TFG: variants seen among roughly 807,000 people sequenced by gnomAD.
TFG encodes the protein trafficking from ER to golgi regulator, also known as protein TFG.
Under a neutral mutation model 51.4 loss-of-function variants are expected in TFG, and 22 were observed. The observed-to-expected ratio is 0.43, with a 90% confidence interval of 0.31 to 0.61. The LOEUF (loss-of-function observed/expected upper bound fraction) is 0.61, where lower values mean the gene tolerates loss of function less well. Ranked by LOEUF, TFG falls within the 20% of genes least tolerant of loss-of-function variation. The pLI, the probability that TFG is intolerant of heterozygous loss-of-function variation, is 0.12. For synonymous variants in TFG, 187 were observed against 165.6 expected (o/e 1.13, Z -0.99); for missense variants, 419 against 487.7 (o/e 0.86, Z 1.33).
Position 100,748,639 on chromosome 3 carries a change from C to A in TFG, c.*108C>A. The A allele has an allele frequency of 8.2e-7, 1 of 1,222,202 alleles. No individual in the cohort carries two copies. Among genetic ancestry groups the A allele is most frequent in the Non-Finnish European group, 1.1e-6 (1 of 904,270 alleles). 75.7% of individuals were successfully genotyped at this position (1,222,202 alleles called of 1,614,324 possible). On this transcript the variant is annotated 3_prime_UTR_variant, in exon 8 of 8. Transcript: ENST00000240851. Reference sequence around the variant, plus strand: ...GAAGTTCAGAAATTTAAAAGCAGAGCATTTTTTATGATATCATTGTTGGTG... The same window carrying A: ...GAAGTTCAGAAATTTAAAAGCAGAGAATTTTTTATGATATCATTGTTGGTG...
intron 6 of TFG, among the ~76,000 whole-genome samples, chr3:100,738,670 C>T (rs1032000101): frequency 1.2e-4 from 19 of 152,030 alleles, no homozygotes; most frequent in African/African-American, 4.3e-4. Context: ...TATTGTATGC[C>T]TTGCTGCAAT....
intron 1 of TFG, chr3:100,709,923 C>T (rs1268447168): frequency 1.6e-5 from 1 of 60,814 alleles, no homozygotes; most frequent in Non-Finnish European, 3.2e-5. Flanking sequence ...CGGGGCCTTG[C>T]ATGGGGGGAG....
intron 6 of TFG, chr3:100,742,809 G>A (rs1014213643): frequency 6.6e-6 from 1 of 151,796 alleles, no homozygotes; most frequent in African/African-American, 2.4e-5. Flanking sequence ...GGAATCTTGT[G>A]TAGAGATATA....
chr3:100,734,066 C>CTT (rs371684906), intron 5 of TFG, among the ~76,000 whole-genome samples: 1 of 143,340 alleles, frequency 7.0e-6, no homozygotes, highest in East Asian at 2.1e-4. Flanking sequence ...TTTTTTTTTG[C>CTT]TTTTTTTTTT....
intron 6 of TFG, among the ~76,000 whole-genome samples, chr3:100,738,072 A>C (rs566931858): frequency 1.3e-5 from 1 of 75,948 alleles, no homozygotes; most frequent in Non-Finnish European, 3.1e-5. Flanking sequence ...CCTGTCTCAA[A>C]AACAAACAAA....
In TFG at chr3:100,720,050, C is replaced by T; in HGVS notation, c.260C>T (p.Thr87Ile). Reference sequence around the variant, plus strand: ...CAGTGCAGTAGGATACTGAAACTGACATTATTTGGTGAGTAGTAAACTTTC... The same window carrying T: ...CAGTGCAGTAGGATACTGAAACTGATATTATTTGGTGAGTAGTAAACTTTC... ...AIQCSRILKL[T>I]LFVNGQPRPL... is the part of the protein sequence containing the mutation. The change falls in exon 3 of 8, where the codon ACA becomes ATA. Residue 87 changes from threonine to isoleucine, a missense_variant. By Grantham distance (89) the Thr-to-Ile change is moderately conservative. Around this residue, in one of 3 missense-constraint regions of TFG, gnomAD observed 391 missense variants for 434.4 expected, o/e 0.90. Coordinates refer to ENST00000240851, the MANE Select transcript of TFG (RefSeq NM_006070.6). 6.5e-7 allele frequency: 1 copy of T among 1,548,422 alleles called. No homozygotes were observed. The highest frequency in any genetic ancestry group is 8.7e-7 in the Non-Finnish European group (1 of 1,145,422).
intron 3 of TFG, among the ~76,000 whole-genome samples, chr3:100,723,997 T>G (rs965428841): frequency 6.6e-6 from 1 of 152,084 alleles, no homozygotes; most frequent in Non-Finnish European, 1.5e-5. Context: ...TTCCCTACTT[T>G]TGGAGACAAA....
chr3:100,742,241 C>T (rs2095123224), intron 6 of TFG, among the ~76,000 whole-genome samples: 1 of 151,966 alleles, frequency 6.6e-6, no homozygotes, highest in Non-Finnish European at 1.5e-5. Context: ...TTGATAGGTT[C>T]TTGGAAATTG....
At chr3:100,737,788 C>CCTAT (rs2095110675) in intron 6 of TFG, among the ~76,000 whole-genome samples, 1 of 152,204 alleles carries the variant, frequency 6.6e-6, no homozygotes, top group Non-Finnish European at 1.5e-5. Flanking sequence ...GTGCCTCACG[C>CCTAT]CTATAATCCC....
chr3:100,746,797 CT>C (rs2095136096), intron 7 of TFG, among the ~76,000 whole-genome samples: 1 of 152,086 alleles, frequency 6.6e-6, no homozygotes. Flanking sequence ...TGAAAAGGCA[CT>C]TTTCTTTTTT....
At chr3:100,723,580 C>T (rs1035942542) in intron 3 of TFG, among the ~76,000 whole-genome samples, 3 of 152,054 alleles carry the variant, frequency 2.0e-5, no homozygotes, top group Non-Finnish European at 2.9e-5. Flanking sequence ...GCAAAGAAAG[C>T]TGGTTATTAA....
chr3:100,738,428 C>G (rs2095112589), intron 6 of TFG, among the ~76,000 whole-genome samples: 1 of 152,118 alleles, frequency 6.6e-6, no homozygotes, highest in Admixed American at 6.6e-5. Flanking sequence ...GATCATTGTA[C>G]CAAATAATGT....
At position 100,748,243 on chromosome 3, in the gene TFG, T is replaced by G. The variant is rs750061557; in HGVS notation, c.915T>G (p.Ser305=). ...CCCAGGCACCAGCTCCTGCCTTTTC[T>G]GGTCAGCCTCAACAACTGCCTGCTC... ...PTSQAPAPAF[S]GQPQQLPAQP... The change falls in exon 8 of 8, where the codon TCT becomes TCG. Residue 305 remains serine (S), a synonymous_variant. Coordinates refer to ENST00000240851, the MANE Select transcript of TFG (RefSeq NM_006070.6). 6.2e-7 allele frequency: 1 copy of G among 1,614,108 alleles called. No individual in the cohort carries two copies. Among genetic ancestry groups the G allele is most frequent in the South Asian group, 1.1e-5 (1 of 91,082 alleles).
chr3:100,743,718 A>G (rs964743108), intron 6 of TFG: 3 of 152,144 alleles, frequency 2.0e-5, no homozygotes, highest in Admixed American at 1.3e-4. Flanking sequence ...AGCTGGTATA[A>G]TAGAGTGGGC....
intron 5 of TFG, among the ~76,000 whole-genome samples, chr3:100,732,981 A>G (rs2095096137): frequency 6.6e-6 from 1 of 152,216 alleles, no homozygotes; most frequent in Non-Finnish European, 1.5e-5. Context: ...AAAGTTTTTA[A>G]AAATCTGAAC....
chr3:100,729,144 G>A (rs1212310755), intron 4 of TFG, among the ~76,000 whole-genome samples: 1 of 152,122 alleles, frequency 6.6e-6, no homozygotes, highest in African/African-American at 2.4e-5. Context: ...TTCGCAACTA[G>A]TCTTAGACTT....
At chr3:100,744,709 A>ATT (rs1576379301) in intron 6 of TFG, 124 bp from the exon 7 acceptor site, 1 of 601,546 alleles carries the variant, frequency 1.7e-6, no homozygotes, top group East Asian at 2.8e-5. Context: ...AGTTGAACAA[A>ATT]TACTTTCTTG....
intron 7 of TFG, among the ~76,000 whole-genome samples, chr3:100,745,849 T>C (rs1414807808): frequency 6.6e-6 from 1 of 152,190 alleles, no homozygotes; most frequent in African/African-American, 2.4e-5. Context: ...TATTCTCTAC[T>C]GCTACTTGGG....
chr3:100,729,270 G>A (rs1436794201), intron 4 of TFG, among the ~76,000 whole-genome samples: 2 of 152,118 alleles, frequency 1.3e-5, no homozygotes, highest in Non-Finnish European at 2.9e-5. Context: ...TAATTACATA[G>A]TGTTGGAAGT....
Sources: allele counts gnomAD v4.1 joint callset (sites outside exome capture counted in the v4.1 genomes callset), GRCh38; gene constraint gnomAD v4.1.1; regional missense constraint gnomAD v4.1.1; transcripts MANE v1.5; gene names NCBI Gene and HGNC (gene_info 2026-07-23, HGNC 2026-07-21).